Variants in PFKP observed in about 807,000 individuals in gnomAD.
PFKP encodes the protein ATP-dependent 6-phosphofructokinase, platelet type.
PFKP carries 101 observed loss-of-function variants against 94.3 expected under a neutral mutation model. That is an observed-to-expected ratio of 1.07 (90% CI 0.91 to 1.26). The LOEUF (loss-of-function observed/expected upper bound fraction) is 1.26, where lower values mean the gene tolerates loss of function less well. PFKP is among the 50% of genes most tolerant of loss of function. The pLI is 0.00. For missense variants in PFKP, 1,145 were observed against 1,103.3 expected, an observed-to-expected ratio of 1.04 and a Z score of -0.53; for synonymous variants, 573 against 432.6, an observed-to-expected ratio of 1.32 and a Z score of -4.03.
chr10:3,101,772 C>T (rs1835017896), intron 4 of PFKP, among the ~76,000 whole-genome samples: 1 of 152,216 alleles, frequency 6.6e-6, no homozygotes, highest in South Asian at 2.1e-4. Flanking sequence ...TTCGACCTTT[C>T]ACACAGATAG....
Position 3,113,407 on chromosome 10 carries a change from AC to A in PFKP, c.1263del (p.Ala422ArgfsTer4). 5 of 1,598,970 alleles carry A rather than the reference AC, an allele frequency of 3.1e-6. No homozygotes were observed. Among genetic ancestry groups the A allele is most frequent in the Non-Finnish European group, 4.3e-6 (5 of 1,170,590 alleles). On this transcript the variant is annotated frameshift_variant, in exon 13 of 22. Coordinates refer to ENST00000381125, the MANE Select transcript of PFKP (RefSeq NM_002627.5). LOFTEE classifies it high-confidence loss of function. ...ACGTAGCTGTCATCAACGTGGGGGC[AC>A]CCGCGGCTGGGATGAACGCAGCCGT... Reference protein sequence around the residue: ...CNVAVINVGAPAAGMNAAVRS... With the variant: ...CNVAVINVGAXAAGMNAAVRS...
intron 19 of PFKP, 136 bp from the exon 20 acceptor site, chr10:3,134,347 A>G: frequency 6.4e-6 from 4 of 620,804 alleles, no homozygotes; most frequent in South Asian, 2.2e-5. Flanking sequence ...TACGGGAATC[A>G]CAGGTTTTGT....
At chr10:3,128,670 G>T (rs750779733) in intron 16 of PFKP, among the ~76,000 whole-genome samples, 2 of 152,240 alleles carry the variant, frequency 1.3e-5, no homozygotes, top group African/African-American at 4.8e-5. Context: ...GCAGCATCCC[G>T]CTCCAGGGCC....
At position 3,080,474 on chromosome 10, in the gene PFKP, A is replaced by G. The variant is rs1056271239; in HGVS notation, c.113-1914A>G. 6.0e-4 allele frequency among the ~76,000 whole-genome samples: 81 copies of G among 135,238 alleles called. 1 individual carries two copies. Among genetic ancestry groups the G allele is most frequent in the Admixed American group, 2.6e-4 (3 of 11,406 alleles). The allele number at this position is 135,238 out of a possible 152,430, so 88.7% of individuals were successfully genotyped here. On this transcript the variant is annotated intron_variant, in intron 1 of 21. Transcript: ENST00000381125. ...GGAGCTTGCAGTGAGCCGAGATTGC[A>G]CCACTGCACTCCAGCCTGGGAGACA...
chr10:3,096,215 G>A (rs776930178), intron 2 of PFKP, among the ~76,000 whole-genome samples: 3 of 152,134 alleles, frequency 2.0e-5, no homozygotes, highest in Non-Finnish European at 2.9e-5. Flanking sequence ...TGGAAGCAGC[G>A]TCCGGGATAG....
intron 1 of PFKP, among the ~76,000 whole-genome samples, chr10:3,071,122 T>A (rs1027338412): frequency 3.3e-5 from 5 of 152,026 alleles, no homozygotes; most frequent in Non-Finnish European, 5.9e-5. Context: ...TGCTCAAAAG[T>A]GAGCAAAACC....
In PFKP at chr10:3,109,362, G is replaced by T; in HGVS notation, c.971G>T (p.Arg324Leu). Residue 324 changes from arginine to leucine, a missense_variant, in exon 10 of 22, where the codon CGC (arginine) becomes CTC (leucine). By Grantham distance (102) the Arg-to-Leu change is moderately radical. Transcript: ENST00000381125. ...CATGGACCTGGTTTCCAGGCCAGCC[G>T]CATGGGAGTGGAGGCAGTCATCGCC... ...PSAFDRILAS[R>L]MGVEAVIALL... The T allele has an allele frequency of 6.2e-7, 1 of 1,609,884 alleles. No homozygotes were observed.
In PFKP at chr10:3,117,236, A is replaced by T. The variant is rs559776261; in HGVS notation, c.1442+390A>T. ...AGCAGGTAGCATTGGTGGGAAGCATAGCCCTGAGCAGCTGTGACTCGAGGC... is the reference window on the plus strand; with the variant it reads ...AGCAGGTAGCATTGGTGGGAAGCATTGCCCTGAGCAGCTGTGACTCGAGGC... On this transcript the variant is annotated intron_variant, in intron 14 of 21. Coordinates refer to ENST00000381125, the MANE Select transcript of PFKP (RefSeq NM_002627.5). Among the ~76,000 whole-genome samples, 92 of 152,348 alleles carry T rather than the reference A, an allele frequency of 6.0e-4. 2 individuals are homozygous for T. Among genetic ancestry groups the T allele is most frequent in the Admixed American group, 5.4e-3 (83 of 15,308 alleles).
At chr10:3,113,245 C>A (rs1409613626) in intron 12 of PFKP, 57 bp downstream of exon 12, 3 of 1,583,862 alleles carry the variant, frequency 1.9e-6, no homozygotes, top group Non-Finnish European at 2.6e-6. Context: ...CCCCTCATGG[C>A]CTCTGCCTCA....
intron 2 of PFKP, among the ~76,000 whole-genome samples, chr10:3,096,653 G>T (rs1834502176): frequency 6.6e-6 from 1 of 150,512 alleles, no homozygotes; most frequent in Non-Finnish European, 1.5e-5. Context: ...TTGTTTCCTT[G>T]CCCCCCCGAG....
rs1837182557 is a variant in PFKP at position 3,119,533 on chromosome 10, A to G, written c.1531-359A>G. ...GGCAGGAGAATCGCTTGAACCCGGG[A>G]GGCGGAGGTTGCAGTGAGACGAGAT... On this transcript the variant is annotated intron_variant, in intron 15 of 21. Transcript: ENST00000381125. 1.3e-5 allele frequency among the ~76,000 whole-genome samples: 2 copies of G among 152,154 alleles called. 1 individual carries two copies. The highest frequency in any genetic ancestry group is 4.1e-4 in the South Asian group (2 of 4,828).
At chr10:3,128,340 TG>T (rs1284701207) in intron 16 of PFKP, among the ~76,000 whole-genome samples, 1 of 152,122 alleles carries the variant, frequency 6.6e-6, no homozygotes, top group Non-Finnish European at 1.5e-5. Flanking sequence ...GGACATGGGG[TG>T]GCTCCGAGAG....
Position 3,133,133 on chromosome 10 carries a change from C to T in PFKP, c.1911-70C>T. Reference sequence around the variant, plus strand: ...ATGCGGGAGTCCAGCCTCCCAGGGCCATCTCCCCAAGCAGGGAGCCACGTG... The same window carrying T: ...ATGCGGGAGTCCAGCCTCCCAGGGCTATCTCCCCAAGCAGGGAGCCACGTG... On this transcript the variant is annotated intron_variant, in intron 18 of 21. Coordinates refer to ENST00000381125, the MANE Select transcript of PFKP (RefSeq NM_002627.5). 3.7e-6 allele frequency: 4 copies of T among 1,084,600 alleles called. No homozygotes were observed. The South Asian group carries it at 3.7e-5, about 10-fold the overall frequency. 67.2% of individuals were successfully genotyped at this position (1,084,600 alleles called of 1,614,324 possible). A position where few individuals can be genotyped will look rare whatever the true frequency, so the allele number is the denominator to read the frequency against.
chr10:3,116,467 C>G (rs1836836416), intron 13 of PFKP, among the ~76,000 whole-genome samples: 2 of 152,158 alleles, frequency 1.3e-5, no homozygotes, highest in Non-Finnish European at 2.9e-5. Context: ...CATCATGTTA[C>G]TTTTCTTTTA....
At chr10:3,097,152 T>C (rs1265229928) in intron 2 of PFKP, among the ~76,000 whole-genome samples, 1 of 149,266 alleles carries the variant, frequency 6.7e-6, no homozygotes, top group East Asian at 1.9e-4. Context: ...CAAGGCTAGG[T>C]TATCTCTTTA....
chr10:3,101,213 TCA>T (rs1319981991), intron 3 of PFKP, 150 bp from the exon 4 acceptor site: 7 of 756,756 alleles, frequency 9.3e-6, no homozygotes, highest in East Asian at 2.7e-5. Flanking sequence ...AACAGGAAAA[TCA>T]CAGTCTTTCA....
intron 2 of PFKP, among the ~76,000 whole-genome samples, chr10:3,097,388 C>T (rs902686578): frequency 3.3e-5 from 5 of 152,048 alleles, no homozygotes; most frequent in Non-Finnish European, 5.9e-5. Flanking sequence ...CCTCGCCCTC[C>T]GGGGGACGGC....
At chr10:3,101,626 C>A in intron 4 of PFKP, 72 bp downstream of exon 4, 2 of 1,100,246 alleles carry the variant, frequency 1.8e-6, no homozygotes, top group African/African-American at 1.6e-5. Context: ...GACAGGTTTC[C>A]CTCTTCACTG....
At chr10:3,084,593 A>G (rs1273863256) in intron 2 of PFKP, among the ~76,000 whole-genome samples, 1 of 151,986 alleles carries the variant, frequency 6.6e-6, no homozygotes, top group Non-Finnish European at 1.5e-5. Flanking sequence ...TTTTAAGGTC[A>G]GATTGCCCTC....
Sources: gnomAD v4.1 joint callset for allele counts (sites outside exome capture counted in the v4.1 genomes callset) on GRCh38, gnomAD v4.1.1 for gene constraint, MANE v1.5 for transcripts, NCBI Gene and HGNC (gene_info 2026-07-23, HGNC 2026-07-21) for gene names.